Variants in TMOD3 observed in about 807,000 individuals in gnomAD.
TMOD3 encodes tropomodulin 3.
A neutral mutation model predicts 39.2 loss-of-function variants in TMOD3; 20 were observed. The ratio of observed to expected loss-of-function variants is 0.51; its 90% CI spans 0.36 to 0.74. TMOD3 has a LOEUF of 0.74. Ranked by LOEUF, TMOD3 falls within the 30% of genes least tolerant of loss-of-function variation. TMOD3 has a pLI of 0.00. For missense variants in TMOD3, 381 were observed against 412.8 expected (o/e 0.92, Z 0.67); for synonymous variants, 143 against 145.8 (o/e 0.98, Z 0.14).
intron 3 of TMOD3, among the ~76,000 whole-genome samples, chr15:51,886,338 C>T (rs1053407704): frequency 3.3e-5 from 5 of 152,174 alleles, no homozygotes; most frequent in African/African-American, 1.2e-4. Flanking sequence ...GAGGCTGTAG[C>T]GAGCCGAGAT....
chr15:51,851,480 T>C (rs893004492), intron 1 of TMOD3, among the ~76,000 whole-genome samples: 1 of 152,202 alleles, frequency 6.6e-6, no homozygotes, highest in African/African-American at 2.4e-5. Flanking sequence ...CAGCAAATGT[T>C]TTATTTAGTA....
chr15:51,830,108 C>G (rs569162311), intron 1 of TMOD3, among the ~76,000 whole-genome samples: 1 of 152,258 alleles, frequency 6.6e-6, no homozygotes, highest in South Asian at 2.1e-4. Flanking sequence ...GGCCCGGGCG[C>G]CCGGGTTCGG....
In TMOD3 at chr15:51,832,203, T is replaced by TTTTATATATA. The variant is rs371264278; in HGVS notation, c.-75+2368_-75+2369insTTATATATAT. On this transcript the variant is annotated intron_variant, in intron 1 of 9. Coordinates refer to ENST00000308580, the MANE Select transcript of TMOD3 (RefSeq NM_014547.5). Reference sequence around the variant, plus strand: ...TGTCTCTCTAAAAAAAGAAAAAAAATTATATATATATATATATATATATAT... The same window carrying TTTTATATATA: ...TGTCTCTCTAAAAAAAGAAAAAAAATTTTATATATATATATATATATATATATATATATAT... Among the ~76,000 whole-genome samples, 276 of 79,344 alleles carry TTTTATATATA rather than the reference T, an allele frequency of 3.5e-3. 14 individuals carry two copies. Among genetic ancestry groups the TTTTATATATA allele is most frequent in the Admixed American group, 0.031 (199 of 6,332 alleles). The allele number at this position is 79,344 out of a possible 152,430, so 52.1% of individuals were successfully genotyped here.
At position 51,913,314 on chromosome 15, in the gene TMOD3, T is replaced by C. The variant is rs1397571547; in HGVS notation, c.*4504T>C. 2 of 152,206 alleles carry C rather than the reference T, an allele frequency of 1.3e-5. No homozygotes were observed. The highest frequency in any genetic ancestry group is 2.9e-5 in the Non-Finnish European group (2 of 68,040). The allele number at this position is 152,206 out of a possible 1,614,324, so 9.4% of individuals were successfully genotyped here. A position where few individuals can be genotyped will look rare whatever the true frequency, so the allele number is the denominator to read the frequency against. ...TTTGGTCATTCTTAGATCTACAGAT[T>C]GAACATCCCTAATTGAAAACTTTTT... On this transcript the variant is annotated 3_prime_UTR_variant, in exon 10 of 10. Transcript: ENST00000308580.
At chr15:51,881,766 G>A (rs1455969860) in intron 3 of TMOD3, among the ~76,000 whole-genome samples, 1 of 151,470 alleles carries the variant, frequency 6.6e-6, no homozygotes, top group Admixed American at 6.6e-5. Context: ...GTTTCTCCAT[G>A]TTGGTCAGGC....
intron 6 of TMOD3, among the ~76,000 whole-genome samples, chr15:51,895,463 G>A (rs1340256381): frequency 2.6e-5 from 4 of 151,944 alleles, no homozygotes; most frequent in South Asian, 2.1e-4. Flanking sequence ...CAAGTGATTC[G>A]CCCACCTTGG....
intron 1 of TMOD3, chr15:51,861,090 A>G (rs534016381): frequency 2.2e-5 from 13 of 590,756 alleles, no homozygotes; most frequent in South Asian, 1.8e-4. Flanking sequence ...TCTTCTCTGG[A>G]TCTGTTCGAA....
chr15:51,886,632 G>A lies in TMOD3; in HGVS notation c.284-957G>A, dbSNP rs555445823. On this transcript the variant is annotated intron_variant, in intron 3 of 9. Transcript: ENST00000308580. Reference sequence around the variant, plus strand: ...ATGGCAGCAGTACAGTCCAGCCTCGGCTGGGCATCAGAGGGAGACCGTGGA... The same window carrying A: ...ATGGCAGCAGTACAGTCCAGCCTCGACTGGGCATCAGAGGGAGACCGTGGA... 2.9e-4 allele frequency among the ~76,000 whole-genome samples: 44 copies of A among 152,284 alleles called. 1 individual carries two copies. In the South Asian group the frequency reaches 6.2e-3, roughly 22 times the overall value.
chr15:51,861,434 C>G lies in TMOD3; in HGVS notation c.-74-1377C>G, dbSNP rs567315467. ...CCAGTGGTGAGCCTGCCTTTCTAAA[C>G]AGTTTGAACATTTCCATTCATGGGA... is the stretch of plus-strand genomic sequence containing the variant. On this transcript the variant is annotated intron_variant, in intron 1 of 9. Coordinates refer to ENST00000308580, the MANE Select transcript of TMOD3 (RefSeq NM_014547.5). 2.4e-5 allele frequency: 4 copies of G among 165,272 alleles called. No homozygotes were observed. The South Asian group carries it at 6.8e-4, about 28-fold the overall frequency. The allele number at this position is 165,272 out of a possible 1,614,324, so 10.2% of individuals were successfully genotyped here. A position where few individuals can be genotyped will look rare whatever the true frequency, so the allele number is the denominator to read the frequency against.
chr15:51,831,411 C>G (rs958160613), intron 1 of TMOD3, among the ~76,000 whole-genome samples: 3 of 152,148 alleles, frequency 2.0e-5, no homozygotes, highest in African/African-American at 7.2e-5. Context: ...GGAGGGCAGT[C>G]TTTTCAAACA....
At chr15:51,837,662 C>T (rs1026436154) in intron 1 of TMOD3, among the ~76,000 whole-genome samples, 4 of 152,214 alleles carry the variant, frequency 2.6e-5, no homozygotes, top group African/African-American at 9.6e-5. Context: ...GCAAGGCCTT[C>T]GGGGCAGGTG....
chr15:51,865,612 A>G (rs1235489259), intron 2 of TMOD3, among the ~76,000 whole-genome samples: 2 of 152,036 alleles, frequency 1.3e-5, no homozygotes, highest in South Asian at 2.1e-4. Context: ...AATTCCTCTA[A>G]CCTCAATACT....
chr15:51,838,241 C>T (rs539166819), intron 1 of TMOD3, among the ~76,000 whole-genome samples: 9 of 152,280 alleles, frequency 5.9e-5, no homozygotes, highest in African/African-American at 1.9e-4. Context: ...TTCTGTCCCT[C>T]CCTGACCACC....
At chr15:51,859,583 G>C in intron 1 of TMOD3, 1 of 602,398 alleles carries the variant, frequency 1.7e-6, no homozygotes, top group Non-Finnish European at 3.1e-6. Flanking sequence ...TGACAGCTAA[G>C]AGAGCTTTCT....
intron 4 of TMOD3, 56 bp downstream of exon 4, chr15:51,887,767 C>T: frequency 6.2e-7 from 1 of 1,604,292 alleles, no homozygotes; most frequent in Non-Finnish European, 8.5e-7. Context: ...TGGGAAATAC[C>T]AGCACATACC....
Position 51,863,832 on chromosome 15 carries a change from C to T in TMOD3, c.126+822C>T, listed in dbSNP as rs74013603. Among the ~76,000 whole-genome samples the T allele has an allele frequency of 3.5e-3, 530 of 152,216 alleles. 4 individuals are homozygous for T. The highest frequency in any genetic ancestry group is 0.012 in the African/African-American group (502 of 41,524). Reference sequence around the variant, plus strand: ...TATACCATAGATCAAATCCCTTAACCATAATTACTATTATAAGGAAAAGTT... The same window carrying T: ...TATACCATAGATCAAATCCCTTAACTATAATTACTATTATAAGGAAAAGTT... On this transcript the variant is annotated intron_variant, in intron 2 of 9. Coordinates refer to ENST00000308580, the MANE Select transcript of TMOD3 (RefSeq NM_014547.5).
intron 3 of TMOD3, among the ~76,000 whole-genome samples, chr15:51,871,349 C>A (rs879143360): frequency 6.6e-6 from 1 of 152,170 alleles, no homozygotes; most frequent in Non-Finnish European, 1.5e-5. Flanking sequence ...TGGCTTTAAT[C>A]CTGCTTAAAT....
In TMOD3 at chr15:51,915,675, A is replaced by G. The variant is rs548228689; in HGVS notation, c.*6865A>G. On this transcript the variant is annotated 3_prime_UTR_variant, in exon 10 of 10. Coordinates refer to ENST00000308580, the MANE Select transcript of TMOD3 (RefSeq NM_014547.5). Reference sequence around the variant, plus strand: ...TACTGGAAGCATTTAGAACTTACCAATATATACTGGGATAAATCGTTTCAA... The same window carrying G: ...TACTGGAAGCATTTAGAACTTACCAGTATATACTGGGATAAATCGTTTCAA... 14 of 152,350 alleles carry G rather than the reference A, an allele frequency of 9.2e-5. No individual in the cohort carries two copies. The highest frequency in any genetic ancestry group is 3.4e-4 in the African/African-American group (14 of 41,584). The allele number at this position is 152,350 out of a possible 1,614,324, so 9.4% of individuals were successfully genotyped here.
intron 1 of TMOD3, among the ~76,000 whole-genome samples, chr15:51,861,851 C>T (rs1422969695): frequency 6.6e-6 from 1 of 151,932 alleles, no homozygotes; most frequent in Admixed American, 6.6e-5. Context: ...CCATGTTGCC[C>T]AGGCTGCTCT....
Sources: allele counts gnomAD v4.1 joint callset (sites outside exome capture counted in the v4.1 genomes callset), GRCh38; gene constraint gnomAD v4.1.1; transcripts MANE v1.5; gene names NCBI Gene and HGNC (gene_info 2026-07-23, HGNC 2026-07-21).